TRPM3: variants seen among roughly 807,000 people sequenced by gnomAD.
The protein encoded by TRPM3 is long transient receptor potential channel 3.
Under a neutral mutation model 181.2 loss-of-function variants are expected in TRPM3, and 77 were observed. The observed-to-expected ratio is 0.42, with a 90% CI of 0.35 to 0.51. The LOEUF (loss-of-function observed/expected upper bound fraction) is 0.51, where lower values mean the gene tolerates loss of function less well. Among genes scored for constraint, TRPM3 ranks in the 20% least tolerant of loss-of-function variants. The pLI, the probability that TRPM3 is intolerant of heterozygous loss-of-function variation, is 0.01. For synonymous variants in TRPM3, 745 were observed against 796.4 expected, an observed-to-expected ratio of 0.94 and a Z score of 1.09; for missense variants, 1,759 against 2,196.7, an observed-to-expected ratio of 0.80 and a Z score of 3.98.
At chr9:70,828,701 A>AT (rs1313239960) in intron 5 of TRPM3, among the ~76,000 whole-genome samples, 49,783 of 116,326 alleles carry the variant, frequency 0.43, 10,087 homozygotes, top group African/African-American at 0.61. Context: ...GGCCTTCCAG[A>AT]TTTTTTTTTT....
At chr9:71,031,251 A>G (rs1281118223) in intron 1 of TRPM3, among the ~76,000 whole-genome samples, 2 of 152,228 alleles carry the variant, frequency 1.3e-5, no homozygotes, top group Non-Finnish European at 2.9e-5. Context: ...TAGGTGCTAG[A>G]TATAGTCTGA....
intron 1 of TRPM3, among the ~76,000 whole-genome samples, chr9:71,084,684 A>G (rs1329793439): frequency 1.3e-5 from 2 of 152,066 alleles, no homozygotes; most frequent in Non-Finnish European, 2.9e-5. Flanking sequence ...GTATCATTAA[A>G]ATGGCCATGC....
At chr9:70,676,519 A>G (rs1343148291) in intron 9 of TRPM3, among the ~76,000 whole-genome samples, 1 of 152,168 alleles carries the variant, frequency 6.6e-6, no homozygotes, top group Admixed American at 6.6e-5. Flanking sequence ...GATAAACACC[A>G]AAGAGTTTAT....
chr9:71,117,586 GT>G (rs1487783648), intron 1 of TRPM3, among the ~76,000 whole-genome samples: 2 of 151,894 alleles, frequency 1.3e-5, no homozygotes, highest in African/African-American at 4.8e-5. Context: ...AAGACATCAA[GT>G]TACAGAAAGA....
chr9:70,770,679 T>G lies in TRPM3; in HGVS notation c.1149-8955A>C, dbSNP rs2080063176. 2.0e-5 allele frequency among the ~76,000 whole-genome samples: 3 copies of G among 152,192 alleles called. No individual in the cohort carries two copies. In the South Asian group the frequency reaches 6.2e-4, roughly 32 times the overall value. ...TATTTGATCTCTTTAAGCCAATATC[T>G]CCTCATCTGTTAAATAAGGGTAGTA... On this transcript the variant is annotated intron_variant, in intron 7 of 25. Transcript: ENST00000677713.
At chr9:71,224,142 C>A (rs2080426672) in intron 1 of TRPM3, among the ~76,000 whole-genome samples, 1 of 152,166 alleles carries the variant, frequency 6.6e-6, no homozygotes, top group Non-Finnish European at 1.5e-5. Flanking sequence ...GGTGGTGGGG[C>A]CACAGGAATG....
chr9:71,230,435 A>T (rs916434420), intron 1 of TRPM3, among the ~76,000 whole-genome samples: 6 of 152,134 alleles, frequency 3.9e-5, no homozygotes, highest in African/African-American at 1.4e-4. Context: ...TCAATAATTT[A>T]ACTGTACATT....
intron 1 of TRPM3, among the ~76,000 whole-genome samples, chr9:70,946,374 C>T (rs2096932671): frequency 6.6e-6 from 1 of 151,966 alleles, no homozygotes; most frequent in African/African-American, 2.4e-5. Context: ...CCAACATGTA[C>T]CAGCCATGGG....
At chr9:71,308,445 T>C (rs2087593871) in intron 1 of TRPM3, among the ~76,000 whole-genome samples, 1 of 152,160 alleles carries the variant, frequency 6.6e-6, no homozygotes, top group African/African-American at 2.4e-5. Context: ...ACTACATTTA[T>C]CCAGGCTTAT....
chr9:71,149,794 TCTC>T (rs1286865506), intron 1 of TRPM3, among the ~76,000 whole-genome samples: 2 of 151,962 alleles, frequency 1.3e-5, no homozygotes, highest in African/African-American at 4.8e-5. Flanking sequence ...AGCAACCCCA[TCTC>T]TACGAAAAAT....
Position 70,631,909 on chromosome 9 carries a change from C to T in TRPM3, c.1632+3302G>A, listed in dbSNP as rs571280828. ...ATGATGGTCTGATAATTCCTCAATGCATTCCTTTGGTTCTTAAGAGTTATT... is the reference window on the plus strand; with the variant it reads ...ATGATGGTCTGATAATTCCTCAATGTATTCCTTTGGTTCTTAAGAGTTATT... On this transcript the variant is annotated intron_variant, in intron 12 of 25. Transcript: ENST00000677713. 2.6e-5 allele frequency among the ~76,000 whole-genome samples: 4 copies of T among 152,260 alleles called. No individual in the cohort carries two copies. The South Asian group carries it at 8.3e-4, about 32-fold the overall frequency.
intron 22 of TRPM3, 152 bp from the exon 23 acceptor site, chr9:70,553,462 G>A (rs1466414428): frequency 1.1e-5 from 11 of 986,924 alleles, no homozygotes; most frequent in Non-Finnish European, 1.4e-5. Context: ...ATTGAAAAAT[G>A]AGAGCTTCAT....
At position 70,575,848 on chromosome 9, in the gene TRPM3, T is replaced by C. The variant is rs568219221; in HGVS notation, c.3223+15183A>G. ...CTGTCACACTAACTCAAACCATTCT[T>C]AACTGAGTTCTCTACCCACACCAGG... On this transcript the variant is annotated intron_variant, in intron 22 of 25. Coordinates refer to ENST00000677713, the MANE Select transcript of TRPM3 (RefSeq NM_001366145.2). 5.9e-4 allele frequency among the ~76,000 whole-genome samples: 90 copies of C among 152,208 alleles called. 1 individual carries two copies. Among genetic ancestry groups the C allele is most frequent in the Non-Finnish European group, 1.0e-3 (71 of 68,028 alleles).
chr9:71,275,150 T>A (rs897680474), intron 1 of TRPM3, among the ~76,000 whole-genome samples: 2 of 152,170 alleles, frequency 1.3e-5, no homozygotes, highest in African/African-American at 4.8e-5. Context: ...TTATGGACAA[T>A]AAAAAAGAAT....
chr9:70,759,276 C>T (rs1187258367), intron 8 of TRPM3, among the ~76,000 whole-genome samples: 2 of 152,184 alleles, frequency 1.3e-5, no homozygotes, highest in East Asian at 3.9e-4. Flanking sequence ...ATCAAAACTA[C>T]AATGAGATAG....
At chr9:70,740,679 A>G (rs1034311572) in intron 8 of TRPM3, among the ~76,000 whole-genome samples, 5 of 151,926 alleles carry the variant, frequency 3.3e-5, no homozygotes, top group African/African-American at 1.2e-4. Context: ...AAGCCAATTG[A>G]TCTTTAACAA....
chr9:70,978,274 G>T (rs2097326962), intron 1 of TRPM3, among the ~76,000 whole-genome samples: 1 of 152,182 alleles, frequency 6.6e-6, no homozygotes, highest in Non-Finnish European at 1.5e-5. Flanking sequence ...TATACAAAAT[G>T]AAAAATGTTT....
chr9:71,109,624 T>C (rs1016940618), intron 1 of TRPM3, among the ~76,000 whole-genome samples: 8 of 152,170 alleles, frequency 5.3e-5, no homozygotes, highest in African/African-American at 1.9e-4. Flanking sequence ...GAATTGGCCG[T>C]TTCATTCTTT....
chr9:71,320,297 C>T (rs1434666733), intron 1 of TRPM3, among the ~76,000 whole-genome samples: 1 of 150,408 alleles, frequency 6.6e-6, no homozygotes, highest in Non-Finnish European at 1.5e-5. Context: ...TCTGGTATTG[C>T]AAACATATTT....
Sources: gnomAD v4.1 joint callset for allele counts (sites outside exome capture counted in the v4.1 genomes callset) on GRCh38, gnomAD v4.1.1 for gene constraint, MANE v1.5 for transcripts, NCBI Gene and HGNC (gene_info 2026-07-23, HGNC 2026-07-21) for gene names.